FRMD3: variants seen among roughly 807,000 people sequenced by gnomAD.
FRMD3 encodes FERM domain containing 3, also known as FERM domain-containing protein 3.
A neutral mutation model predicts 70.2 loss-of-function variants in FRMD3; 33 were observed. That is an observed-to-expected ratio of 0.47 (90% CI 0.36 to 0.63). The LOEUF is 0.63. Ranked by LOEUF, FRMD3 falls within the 20% of genes least tolerant of loss-of-function variation. FRMD3 has a pLI of 0.00. For synonymous variants in FRMD3, 279 were observed against 255.9 expected (o/e 1.09, Z -0.86); for missense variants, 632 against 711.4 (o/e 0.89, Z 1.27).
At chr9:83,396,221 T>C (rs1223134340) in intron 1 of FRMD3, among the ~76,000 whole-genome samples, 1 of 152,210 alleles carries the variant, frequency 6.6e-6, no homozygotes, top group Non-Finnish European at 1.5e-5. Flanking sequence ...TATGAGGATT[T>C]GGAAGCAATG....
At chr9:83,478,266 C>A (rs924360832) in intron 1 of FRMD3, among the ~76,000 whole-genome samples, 2 of 152,202 alleles carry the variant, frequency 1.3e-5, no homozygotes, top group African/African-American at 4.8e-5. Context: ...CTAAACCTAA[C>A]TCAGTTGTTT....
At chr9:83,326,361 C>T (rs1039555678) in intron 6 of FRMD3, among the ~76,000 whole-genome samples, 2 of 152,136 alleles carry the variant, frequency 1.3e-5, no homozygotes, top group Non-Finnish European at 2.9e-5. Context: ...TTACAACAAA[C>T]CAAAGGCCCA....
chr9:83,515,813 T>C (rs1276441486), intron 1 of FRMD3, among the ~76,000 whole-genome samples: 2 of 152,176 alleles, frequency 1.3e-5, no homozygotes, highest in Non-Finnish European at 2.9e-5. Context: ...GGGGCCAATA[T>C]TAACATTCTT....
chr9:83,365,055 C>T (rs180964876), intron 3 of FRMD3, among the ~76,000 whole-genome samples: 6 of 152,272 alleles, frequency 3.9e-5, no homozygotes, highest in Admixed American at 3.9e-4. Context: ...CCTTTAATTG[C>T]TATAGCTCAC....
chr9:83,390,442 T>G (rs1825636942), intron 1 of FRMD3, among the ~76,000 whole-genome samples: 1 of 152,160 alleles, frequency 6.6e-6, no homozygotes, highest in Non-Finnish European at 1.5e-5. Flanking sequence ...ACTGCATCCC[T>G]TCCATAAACC....
intron 6 of FRMD3, among the ~76,000 whole-genome samples, chr9:83,315,598 T>C (rs1835538776): frequency 6.6e-6 from 1 of 152,164 alleles, no homozygotes; most frequent in Admixed American, 6.6e-5. Context: ...ACATAAGATG[T>C]GCCTCCTTCC....
At chr9:83,271,201 G>C (rs985758053) in intron 13 of FRMD3, among the ~76,000 whole-genome samples, 1 of 152,144 alleles carries the variant, frequency 6.6e-6, no homozygotes, top group Non-Finnish European at 1.5e-5. Flanking sequence ...GACTTGACAA[G>C]TATAGTGGAG....
chr9:83,404,937 A>G (rs1310289358), intron 1 of FRMD3, among the ~76,000 whole-genome samples: 1 of 152,220 alleles, frequency 6.6e-6, no homozygotes, highest in Non-Finnish European at 1.5e-5. Context: ...GAAGGGACAC[A>G]GCCTATATTC....
the FRMD3 span, among the ~76,000 whole-genome samples, chr9:83,545,346 G>GTTGTTTTTT: frequency 2.6e-5 from 3 of 117,298 alleles, no homozygotes; most frequent in African/African-American, 9.1e-5. Context: ...GAAAAGTGTT[G>GTTGTTTTTT]TTTTTTTTTG....
rs1828322259 is a variant in FRMD3, at chr9:83,473,583, TAGAAAC to T, written c.147+64496_147+64501del. 2.0e-5 allele frequency among the ~76,000 whole-genome samples: 3 copies of T among 152,290 alleles called. No individual in the cohort carries two copies. The East Asian group carries it at 5.8e-4, about 29-fold the overall frequency. The stretch of plus-strand genomic sequence containing the variant: ...AAAGTACATCATACACTTTCTATCT[TAGAAAC>T]AGAAAGTACATCATATTTTCTATCT... On this transcript the variant is annotated intron_variant, in intron 1 of 13. Coordinates refer to ENST00000304195, the MANE Select transcript of FRMD3 (RefSeq NM_174938.6).
chr9:83,417,851 G>C (rs1039228989), intron 1 of FRMD3, among the ~76,000 whole-genome samples: 1 of 152,186 alleles, frequency 6.6e-6, no homozygotes, highest in Non-Finnish European at 1.5e-5. Flanking sequence ...GAAGTTCCAA[G>C]AAGGGTCATA....
chr9:83,555,305 G>A, the FRMD3 span, among the ~76,000 whole-genome samples: 1 of 152,056 alleles, frequency 6.6e-6, no homozygotes, highest in African/African-American at 2.4e-5. Flanking sequence ...CTGTTGGCTG[G>A]AGAGCTTGGG....
intron 1 of FRMD3, among the ~76,000 whole-genome samples, chr9:83,486,830 G>C (rs1045293342): frequency 6.6e-6 from 1 of 151,708 alleles, no homozygotes; most frequent in Non-Finnish European, 1.5e-5. Context: ...ATTCAAATGT[G>C]CACACACACA....
intron 10 of FRMD3, among the ~76,000 whole-genome samples, chr9:83,301,482 T>A (rs545633829): frequency 2.1e-4 from 31 of 151,218 alleles, no homozygotes; most frequent in African/African-American, 5.6e-4. Flanking sequence ...TGTTTTTTTT[T>A]AATTCCAAGT....
chr9:83,350,623 C>CAAAAAAAAAAAAA (rs761012697), intron 3 of FRMD3: 1 of 199,224 alleles, frequency 5.0e-6, no homozygotes, highest in Non-Finnish European at 6.5e-6. Context: ...AACTCCATCT[C>CAAAAAAAAAAAAA]AAAAAAAAAA....
chr9:83,280,493 A>T (rs1833938100), intron 13 of FRMD3, among the ~76,000 whole-genome samples: 1 of 152,228 alleles, frequency 6.6e-6, no homozygotes, highest in Non-Finnish European at 1.5e-5. Context: ...GTAAAATGGC[A>T]TGTCACCACC....
chr9:83,377,378 T>TGAAAACCATGAC (rs1426898150), intron 2 of FRMD3, among the ~76,000 whole-genome samples: 1 of 152,178 alleles, frequency 6.6e-6, no homozygotes, highest in Non-Finnish European at 1.5e-5. Context: ...ACTTCAGTAT[T>TGAAAACCATGAC]TTCCGTGATG....
rs1319613303 is a variant in FRMD3 at position 83,267,127 on chromosome 9, G to C, written c.1196-18611C>G. On this transcript the variant is annotated intron_variant, in intron 13 of 13. Coordinates refer to ENST00000304195, the MANE Select transcript of FRMD3 (RefSeq NM_174938.6). ...TTCGTCGAGTCTGGATCTTGACCAAGCATTTTGCCATACTGGTTATTCCAA... is the reference window on the plus strand; with the variant it reads ...TTCGTCGAGTCTGGATCTTGACCAACCATTTTGCCATACTGGTTATTCCAA... 7 of 1,550,654 alleles carry C rather than the reference G, an allele frequency of 4.5e-6. No individual in the cohort carries two copies. The South Asian group carries it at 8.3e-5, about 18-fold the overall frequency.
chr9:83,505,073 T>C (rs1564108141), intron 1 of FRMD3, among the ~76,000 whole-genome samples: 1 of 152,332 alleles, frequency 6.6e-6, no homozygotes, highest in East Asian at 1.9e-4. Context: ...CTCTGTGCCA[T>C]GTGTCTATGC....
Sources: gnomAD v4.1 joint callset for allele counts (sites outside exome capture counted in the v4.1 genomes callset) on GRCh38, gnomAD v4.1.1 for gene constraint, MANE v1.5 for transcripts, NCBI Gene and HGNC (gene_info 2026-07-23, HGNC 2026-07-21) for gene names.